CUL1: variants seen among roughly 807,000 people sequenced by gnomAD.
The protein encoded by CUL1 is cullin 1, also known as cullin-1.
CUL1 carries 24 observed loss-of-function variants against 118.0 expected under a neutral mutation model. That is an observed-to-expected ratio of 0.20 (90% CI 0.15 to 0.29). CUL1 has a LOEUF of 0.29. Ranked by LOEUF, CUL1 falls within the 10% of genes least tolerant of loss-of-function variation. The pLI, the probability that CUL1 is intolerant of heterozygous loss-of-function variation, is 1.00. For missense variants in CUL1, 361 were observed against 933.8 expected (o/e 0.39, Z 7.99); for synonymous variants, 332 against 340.4 (o/e 0.98, Z 0.27).
chr7:148,774,515 A>G (rs1306015150), intron 9 of CUL1, among the ~76,000 whole-genome samples: 2 of 152,338 alleles, frequency 1.3e-5, no homozygotes, highest in Non-Finnish European at 1.5e-5. Flanking sequence ...TCCATTTTGA[A>G]TGTTTAACAC....
intron 19 of CUL1, 62 bp downstream of exon 19, chr7:148,798,081 C>A: frequency 1.0e-6 from 1 of 964,242 alleles, no homozygotes. Flanking sequence ...GGAGCCCTAG[C>A]ACGGATCTCA....
chr7:148,741,476 G>T (rs562877844), intron 2 of CUL1, among the ~76,000 whole-genome samples: 1 of 152,184 alleles, frequency 6.6e-6, no homozygotes, highest in African/African-American at 2.4e-5. Flanking sequence ...GAGTCTTGCT[G>T]TAATTCAGGA....
chr7:148,747,553 G>C (rs1365077268), intron 2 of CUL1, among the ~76,000 whole-genome samples: 1 of 152,106 alleles, frequency 6.6e-6, no homozygotes, highest in East Asian at 1.9e-4. Context: ...ATGGAAACCT[G>C]GAAGACAGAA....
chr7:148,780,248 G>T (rs979906752), intron 9 of CUL1, among the ~76,000 whole-genome samples: 2 of 152,208 alleles, frequency 1.3e-5, no homozygotes, highest in African/African-American at 4.8e-5. Flanking sequence ...TGGGCTGGTC[G>T]TGCGGGGAAT....
intron 2 of CUL1, among the ~76,000 whole-genome samples, chr7:148,731,373 G>A (rs1456500933): frequency 6.6e-6 from 1 of 152,090 alleles, no homozygotes; most frequent in Non-Finnish European, 1.5e-5. Flanking sequence ...TGATATTCCA[G>A]TATGTTCTTG....
At chr7:148,751,146 T>A (rs1376346144) in intron 2 of CUL1, among the ~76,000 whole-genome samples, 1 of 152,100 alleles carries the variant, frequency 6.6e-6, no homozygotes, top group Non-Finnish European at 1.5e-5. Flanking sequence ...TGGCAACTCT[T>A]AATAAAGTTA....
chr7:148,744,159 C>A (rs1037174425), intron 2 of CUL1, among the ~76,000 whole-genome samples: 7 of 151,806 alleles, frequency 4.6e-5, no homozygotes, highest in African/African-American at 1.5e-4. Context: ...AAATTGTGTC[C>A]CTCATGTCAA....
At chr7:148,765,954 A>G (rs1563163069) in intron 7 of CUL1, among the ~76,000 whole-genome samples, 1 of 152,192 alleles carries the variant, frequency 6.6e-6, no homozygotes, top group East Asian at 1.9e-4. Flanking sequence ...ATAAAATACC[A>G]TTCTCTGAGG....
At chr7:148,794,197 G>GTCT (rs1028821733) in intron 17 of CUL1, among the ~76,000 whole-genome samples, 4 of 150,486 alleles carry the variant, frequency 2.7e-5, no homozygotes, top group African/African-American at 9.8e-5. Flanking sequence ...TCTGTGGGTT[G>GTCT]TCTTCTTACT....
At chr7:148,742,542 T>C (rs1799177522) in intron 2 of CUL1, among the ~76,000 whole-genome samples, 1 of 152,004 alleles carries the variant, frequency 6.6e-6, no homozygotes, top group Non-Finnish European at 1.5e-5. Context: ...AGCCAAACCA[T>C]GTCAGGGAGT....
intron 9 of CUL1, among the ~76,000 whole-genome samples, chr7:148,779,278 A>G (rs548590157): frequency 1.3e-5 from 2 of 152,316 alleles, no homozygotes; most frequent in East Asian, 3.9e-4. Context: ...TTCACTAGGT[A>G]CTTAGAAGTA....
At chr7:148,707,148 G>A (rs1388007063) in intron 1 of CUL1, among the ~76,000 whole-genome samples, 1 of 152,136 alleles carries the variant, frequency 6.6e-6, no homozygotes, top group African/African-American at 2.4e-5. Context: ...AACACATACT[G>A]ATTTTAAAAT....
chr7:148,718,062 A>G (rs550055977), intron 1 of CUL1, among the ~76,000 whole-genome samples: 65 of 152,326 alleles, frequency 4.3e-4, no homozygotes, highest in African/African-American at 1.5e-3. Flanking sequence ...TAGAATACTC[A>G]GTAATACTGC....
At chr7:148,791,649 G>C (rs999114707) in intron 16 of CUL1, among the ~76,000 whole-genome samples, 4 of 152,236 alleles carry the variant, frequency 2.6e-5, no homozygotes, top group Non-Finnish European at 5.9e-5. Context: ...TTGTATCTCT[G>C]TTCAAGGCCC....
At chr7:148,723,956 A>G (rs1798478479) in intron 1 of CUL1, among the ~76,000 whole-genome samples, 1 of 152,216 alleles carries the variant, frequency 6.6e-6, no homozygotes, top group African/African-American at 2.4e-5. Flanking sequence ...AGACACGTTC[A>G]CTTATCAAGA....
intron 2 of CUL1, among the ~76,000 whole-genome samples, chr7:148,742,598 G>GTTTTTTTGTT (rs1799179584): frequency 8.9e-6 from 1 of 112,162 alleles, no homozygotes; most frequent in African/African-American, 3.2e-5. Context: ...ACCTTTTCTG[G>GTTTTTTTGTT]TTTTTTTTTT....
At chr7:148,750,658 C>T (rs10255402) in intron 2 of CUL1, among the ~76,000 whole-genome samples, 41,439 of 151,942 alleles carry the variant, frequency 0.27, 6,240 homozygotes, top group African/African-American at 0.4. Flanking sequence ...GCATAGTATT[C>T]CATGCCACCT....
chr7:148,788,137 A>G (rs1800882946), intron 13 of CUL1, among the ~76,000 whole-genome samples: 1 of 152,046 alleles, frequency 6.6e-6, no homozygotes, highest in Non-Finnish European at 1.5e-5. Context: ...CACCAATCCC[A>G]TTGTGAGGCC....
chr7:148,783,538 G>A (rs1278926434), intron 9 of CUL1: 2 of 1,383,328 alleles, frequency 1.4e-6, no homozygotes, highest in East Asian at 3.2e-5. Context: ...TTTAATGCAA[G>A]CTCGGAATCA....
Sources: gnomAD v4.1 joint callset for allele counts (sites outside exome capture counted in the v4.1 genomes callset) on GRCh38, gnomAD v4.1.1 for gene constraint, MANE v1.5 for transcripts, NCBI Gene and HGNC (gene_info 2026-07-23, HGNC 2026-07-21) for gene names.